NCOR1: variants seen among roughly 807,000 people sequenced by gnomAD.
NCOR1 encodes nuclear receptor corepressor 1.
Under a neutral mutation model 288.1 loss-of-function variants are expected in NCOR1, and 63 were observed. The ratio of observed to expected loss-of-function variants is 0.22; its 90% CI spans 0.18 to 0.27. The LOEUF (loss-of-function observed/expected upper bound fraction) is 0.27. Ranked by LOEUF, NCOR1 falls within the 10% of genes least tolerant of loss-of-function variation. NCOR1 has a pLI of 1.00. For synonymous variants in NCOR1, 1,007 were observed against 1,065.9 expected (o/e 0.94, Z 1.08); for missense variants, 2,397 against 3,019.2 (o/e 0.79, Z 4.83).
At chr17:16,120,861 T>C (rs781780238) in intron 16 of NCOR1, among the ~76,000 whole-genome samples, 191 bp downstream of exon 16, 9 of 152,130 alleles carry the variant, frequency 5.9e-5, no homozygotes, top group East Asian at 3.8e-4. Context: ...AAAACAGCTA[T>C]ATTGGGGTGG....
intron 4 of NCOR1, among the ~76,000 whole-genome samples, chr17:16,168,156 T>C (rs914510006): frequency 3.3e-5 from 5 of 152,200 alleles, no homozygotes; most frequent in Non-Finnish European, 7.3e-5. Flanking sequence ...TGTTAAACAA[T>C]AGACATGTGG....
At chr17:16,122,583 A>C (rs929047944) in intron 15 of NCOR1, 7 of 151,998 alleles carry the variant, frequency 4.6e-5, no homozygotes, top group African/African-American at 1.7e-4. Flanking sequence ...CCCTGCTGCT[A>C]CTCTGGCTTT....
rs748680423 is a variant in NCOR1 at position 16,086,450 on chromosome 17, A to G, written c.3017-8T>C. On this transcript the variant is annotated splice_polypyrimidine_tract_variant and splice_region_variant and intron_variant, in intron 22 of 45. Transcript: ENST00000268712. ...GTGGAGCAGGCTGAAGGACTTTTAA[A>G]AGGAAAGAAAAATGATTTTAAACTA... 1 of 1,603,908 alleles carries G rather than the reference A, an allele frequency of 6.2e-7. No homozygotes were observed. Among genetic ancestry groups the G allele is most frequent in the East Asian group, 2.2e-5 (1 of 44,708 alleles).
At chr17:16,186,952 A>G (rs2086781607) in intron 2 of NCOR1, among the ~76,000 whole-genome samples, 1 of 152,182 alleles carries the variant, frequency 6.6e-6, no homozygotes, top group African/African-American at 2.4e-5. Context: ...CCCAATCTGT[A>G]TTACTCACAT....
intron 42 of NCOR1, among the ~76,000 whole-genome samples, chr17:16,042,276 A>G (rs958037149): frequency 6.7e-6 from 1 of 149,558 alleles, no homozygotes; most frequent in African/African-American, 2.5e-5. Context: ...GAGCCCTGTT[A>G]TCATGAAGTG....
chr17:16,095,735 C>T (rs1250397172), intron 21 of NCOR1, among the ~76,000 whole-genome samples: 1 of 141,750 alleles, frequency 7.1e-6, no homozygotes, highest in African/African-American at 2.6e-5. Flanking sequence ...CCAGCCGCCC[C>T]GTCTGGGAGG....
intron 45 of NCOR1, among the ~76,000 whole-genome samples, chr17:16,034,108 G>GGTA (rs1230259326): frequency 6.7e-6 from 1 of 149,066 alleles, no homozygotes; most frequent in African/African-American, 2.6e-5. Context: ...CTTAGAAGTG[G>GGTA]CATGGGTACA....
In NCOR1 at chr17:16,127,709, G is replaced by GTA. The variant is rs1454597401; in HGVS notation, c.1510-1504_1510-1503insTA. Among the ~76,000 whole-genome samples the GTA allele has an allele frequency of 7.2e-3, 910 of 126,418 alleles. 37 individuals are homozygous for GTA. Among genetic ancestry groups the GTA allele is most frequent in the African/African-American group, 0.014 (465 of 33,218 alleles). The allele number at this position is 126,418 out of a possible 152,430, so 82.9% of individuals were successfully genotyped here. Reference sequence around the variant, plus strand: ...TATATATACATATATGTATATATGTGTGTGTATATATACATATATGTGTAT... The same window carrying GTA: ...TATATATACATATATGTATATATGTGTATGTGTATATATACATATATGTGTAT... On this transcript the variant is annotated intron_variant, in intron 14 of 45. Coordinates refer to ENST00000268712, the MANE Select transcript of NCOR1 (RefSeq NM_006311.4).
chr17:16,049,175 A>C, intron 40 of NCOR1, 187 bp from the exon 41 acceptor site: 49 of 445,404 alleles, frequency 1.1e-4, no homozygotes, highest in East Asian at 1.6e-4. Flanking sequence ...CAACAAAAAA[A>C]ACCACTGTGT....
intron 18 of NCOR1, among the ~76,000 whole-genome samples, chr17:16,110,704 T>C (rs1429782940): frequency 6.6e-6 from 1 of 152,192 alleles, no homozygotes; most frequent in Non-Finnish European, 1.5e-5. Flanking sequence ...AAGAGGAAAA[T>C]ATACTACTGC....
At chr17:16,095,527 G>A (rs1356565051) in intron 21 of NCOR1, among the ~76,000 whole-genome samples, 17 of 137,914 alleles carry the variant, frequency 1.2e-4, no homozygotes, top group African/African-American at 3.8e-4. Context: ...CGCCCCATCC[G>A]GGAGGGAGGT....
chr17:16,200,451 C>A (rs1971676), intron 1 of NCOR1, among the ~76,000 whole-genome samples: 2 of 128,354 alleles, frequency 1.6e-5, no homozygotes, highest in Non-Finnish European at 3.1e-5. Context: ...GAGCTGGCAT[C>A]GTGCCACTGC....
chr17:16,075,219 CA>C (rs34548282), intron 27 of NCOR1, among the ~76,000 whole-genome samples: 1 of 152,156 alleles, frequency 6.6e-6, no homozygotes. Flanking sequence ...TGAATCTCTT[CA>C]AAATAAAAGT....
chr17:16,126,014 A>G (rs902801448), intron 15 of NCOR1, 68 bp downstream of exon 15: 1 of 840,462 alleles, frequency 1.2e-6, no homozygotes, highest in African/African-American at 1.8e-5. Flanking sequence ...TACTCCCTAT[A>G]TCTACAAAAA....
chr17:16,145,244 T>C (rs1457699221), intron 10 of NCOR1, among the ~76,000 whole-genome samples: 2 of 152,222 alleles, frequency 1.3e-5, no homozygotes, highest in Non-Finnish European at 2.9e-5. Context: ...GATCTAGGCT[T>C]GCTACAACCT....
At chr17:16,133,110 A>AG (rs1436317382) in intron 14 of NCOR1, among the ~76,000 whole-genome samples, 9 of 152,180 alleles carry the variant, frequency 5.9e-5, no homozygotes, top group Admixed American at 3.9e-4. Flanking sequence ...CTGAGATTAT[A>AG]GGTGTGCACC....
At chr17:16,156,430 T>C (rs73280271) in intron 6 of NCOR1, among the ~76,000 whole-genome samples, 4,525 of 134,554 alleles carry the variant, frequency 0.034, 243 homozygotes, top group African/African-American at 0.12. Context: ...AGCAAAACTC[T>C]GTCTCGAAAA....
chr17:16,211,013 G>A (rs375366636), intron 1 of NCOR1, among the ~76,000 whole-genome samples: 6 of 152,036 alleles, frequency 3.9e-5, no homozygotes, highest in African/African-American at 1.4e-4. Flanking sequence ...TTACAGGTGT[G>A]AGCCACCGCG....
At chr17:16,033,331 G>T (rs1380890823) in intron 45 of NCOR1, among the ~76,000 whole-genome samples, 2 of 109,244 alleles carry the variant, frequency 1.8e-5, no homozygotes, top group African/African-American at 5.0e-5. Context: ...ACGAAACTCC[G>T]TCTCCAAAAA....
Sources: allele counts gnomAD v4.1 joint callset (sites outside exome capture counted in the v4.1 genomes callset), GRCh38; gene constraint gnomAD v4.1.1; transcripts MANE v1.5; gene names NCBI Gene and HGNC (gene_info 2026-07-23, HGNC 2026-07-21).